The following EYS variants were observed in gnomAD, a reference collection of about 807,000 sequenced individuals.
EYS encodes the protein protein eyes shut homolog.
In EYS, 250 loss-of-function variants were observed where a neutral mutation model predicts 282.1. The ratio of observed to expected loss-of-function variants is 0.89; its 90% confidence interval spans 0.80 to 0.98. EYS has a LOEUF of 0.98. Ranked by LOEUF, EYS falls within the 50% of genes least tolerant of loss-of-function variation. The pLI, the probability that EYS is intolerant of heterozygous loss-of-function variation, is 0.00. For synonymous variants in EYS, 1,355 were observed against 1,282.9 expected (o/e 1.06, Z -1.20); for missense variants, 4,016 against 3,709.0 (o/e 1.08, Z -2.15).
At chr6:64,461,697 G>C (rs1775755286) in intron 26 of EYS, among the ~76,000 whole-genome samples, 1 of 152,104 alleles carries the variant, frequency 6.6e-6, no homozygotes, top group African/African-American at 2.4e-5. Flanking sequence ...AATTTTCACA[G>C]TAAGAAGAGT....
intron 9 of EYS, among the ~76,000 whole-genome samples, chr6:65,350,609 A>T (rs1220263354): frequency 6.6e-6 from 1 of 151,602 alleles, no homozygotes; most frequent in Non-Finnish European, 1.5e-5. Context: ...TTTGTCTAGG[A>T]TTTTATCTTT....
intron 31 of EYS, among the ~76,000 whole-genome samples, chr6:64,122,905 C>T (rs909345666): frequency 1.3e-5 from 2 of 150,148 alleles, no homozygotes; most frequent in African/African-American, 2.5e-5. Flanking sequence ...AACAGAAATG[C>T]TTACAAAGCA....
intron 35 of EYS, among the ~76,000 whole-genome samples, chr6:63,900,358 T>G (rs67765462): frequency 0.11 from 16,655 of 152,074 alleles, 1,337 homozygotes; most frequent in African/African-American, 0.23. Context: ...TACCAGAAAA[T>G]AAGTACAATG....
At chr6:64,991,644 G>T (rs1771067974) in intron 14 of EYS, among the ~76,000 whole-genome samples, 1 of 151,466 alleles carries the variant, frequency 6.6e-6, no homozygotes, top group South Asian at 2.1e-4. Flanking sequence ...ATAGTGTGGA[G>T]AAAACCATAT....
chr6:65,482,654 C>T (rs1307425969), intron 5 of EYS, among the ~76,000 whole-genome samples: 1 of 152,044 alleles, frequency 6.6e-6, no homozygotes, highest in Non-Finnish European at 1.5e-5. Context: ...TTCTGTCTAC[C>T]CTCTGATCTA....
chr6:64,459,082 A>G (rs1299096230), intron 26 of EYS, among the ~76,000 whole-genome samples: 2 of 152,232 alleles, frequency 1.3e-5, no homozygotes, highest in Non-Finnish European at 2.9e-5. Context: ...TCCAAAATGT[A>G]TCGTAAGCTA....
chr6:65,491,461 T>C (rs1766039914), intron 4 of EYS: 1 of 331,916 alleles, frequency 3.0e-6, no homozygotes, highest in Non-Finnish European at 6.0e-6. Flanking sequence ...TTCCCCAGTT[T>C]AATTAAGCTC....
At chr6:64,631,815 C>T (rs1250267806) in intron 22 of EYS, 1 of 151,924 alleles carries the variant, frequency 6.6e-6, no homozygotes, top group African/African-American at 2.4e-5. Context: ...ATTTTCATCC[C>T]CCACAATCTA....
At chr6:65,073,685 G>A (rs1307307259) in intron 12 of EYS, among the ~76,000 whole-genome samples, 1 of 151,366 alleles carries the variant, frequency 6.6e-6, no homozygotes, top group East Asian at 1.9e-4. Flanking sequence ...GAGATATTCT[G>A]ATTTTGTTGT....
chr6:65,469,974 G>C (rs1207121206), intron 5 of EYS, among the ~76,000 whole-genome samples: 3 of 152,014 alleles, frequency 2.0e-5, no homozygotes, highest in Non-Finnish European at 4.4e-5. Flanking sequence ...TTTATGTATG[G>C]CTTTTAAAAA....
intron 41 of EYS, among the ~76,000 whole-genome samples, chr6:63,747,217 T>C (rs771224374): frequency 9.9e-5 from 15 of 152,180 alleles, no homozygotes; most frequent in African/African-American, 1.7e-4. Flanking sequence ...CAGTAGCCAA[T>C]TGGGAGCAGG....
chr6:65,700,943 A>C (rs1002076625), intron 1 of EYS, among the ~76,000 whole-genome samples: 5 of 152,158 alleles, frequency 3.3e-5, no homozygotes, highest in African/African-American at 4.8e-5. Context: ...TCTATGTCAC[A>C]TATCTGGTTT....
chr6:64,735,125 C>G (rs915524543), intron 22 of EYS, among the ~76,000 whole-genome samples: 1 of 151,970 alleles, frequency 6.6e-6, no homozygotes, highest in Non-Finnish European at 1.5e-5. Context: ...GCTCTGTCGC[C>G]CAGGCTGTAG....
rs748102091 is a variant in EYS, at chr6:65,344,137, A to G, written c.1500T>C (p.Tyr500=). The change falls in exon 10 of 43, where the codon TAT becomes TAC. Residue 500 remains tyrosine (Y), a synonymous_variant. Coordinates refer to ENST00000503581, the MANE Select transcript of EYS (RefSeq NM_001142800.2). ...CAGTGCAGTTTGCAGCCAGAAAGAAATAGGCATCAATAACCCCTTGGCACT... is the reference window on the plus strand; with the variant it reads ...CAGTGCAGTTTGCAGCCAGAAAGAAGTAGGCATCAATAACCCCTTGGCACT... ...GEKCQGVIDA[Y]FFLAANCTED... The G allele has an allele frequency of 1.2e-6, 2 of 1,610,598 alleles. No homozygotes were observed. The highest frequency in any genetic ancestry group is 3.4e-5 in the Admixed American group (2 of 59,670).
chr6:64,251,800 G>A (rs905837867), intron 30 of EYS, among the ~76,000 whole-genome samples: 4 of 152,050 alleles, frequency 2.6e-5, no homozygotes, highest in Non-Finnish European at 5.9e-5. Flanking sequence ...TCTTGAAGAG[G>A]TTAATGAGAC....
At chr6:65,598,234 A>ACCC (rs377147776) in intron 2 of EYS, among the ~76,000 whole-genome samples, 1 of 11,820 alleles carries the variant, frequency 8.5e-5, no homozygotes, top group African/African-American at 3.6e-4. Flanking sequence ...CCTCCTCCCC[A>ACCC]CCCACCCCCC....
intron 26 of EYS, among the ~76,000 whole-genome samples, chr6:64,458,833 T>C (rs1176810429): frequency 6.6e-6 from 1 of 152,172 alleles, no homozygotes; most frequent in African/African-American, 2.4e-5. Context: ...TGAAGGTAAT[T>C]TGTTCAAAAT....
chr6:64,115,869 C>T (rs948504513), intron 31 of EYS, among the ~76,000 whole-genome samples: 6 of 151,886 alleles, frequency 4.0e-5, no homozygotes, highest in African/African-American at 1.5e-4. Flanking sequence ...AATTTCCTAA[C>T]AATAAATTCA....
chr6:63,744,895 A>G, intron 41 of EYS: 1 of 313,246 alleles, frequency 3.2e-6, no homozygotes, highest in Non-Finnish European at 6.2e-6. Flanking sequence ...AATAAATCCA[A>G]TAGTTGACTT....
Sources: allele counts gnomAD v4.1 joint callset (sites outside exome capture counted in the v4.1 genomes callset), GRCh38; gene constraint gnomAD v4.1.1; transcripts MANE v1.5; gene names NCBI Gene and HGNC (gene_info 2026-07-23, HGNC 2026-07-21).